GRB7: variants seen among roughly 807,000 people sequenced by gnomAD.
GRB7 encodes growth factor receptor bound protein 7.
In GRB7, 47 loss-of-function variants were observed where a neutral mutation model predicts 64.1. The ratio of observed to expected loss-of-function variants is 0.73; its 90% CI spans 0.58 to 0.94. The LOEUF is 0.94. Among genes scored for constraint, GRB7 ranks in the 40% least tolerant of loss-of-function variants. The probability of loss-of-function intolerance (pLI) is 0.00; values close to 1 mark genes in which losing one functional copy is unlikely to be tolerated. For synonymous variants in GRB7, 277 were observed against 279.9 expected, an observed-to-expected ratio of 0.99 and a Z score of 0.10; for missense variants, 634 against 718.4, an observed-to-expected ratio of 0.88 and a Z score of 1.34.
Position 39,743,401 on chromosome 17 carries a change from G to T in GRB7, c.594G>T (p.Leu198=), listed in dbSNP as rs780160699. 6.2e-7 allele frequency: 1 copy of T among 1,614,186 alleles called. No individual in the cohort carries two copies. Among genetic ancestry groups the T allele is most frequent in the Non-Finnish European group, 8.5e-7 (1 of 1,180,016 alleles). ...YELFKSSPHS[L]FPEKMVSSCL... The stretch of plus-strand genomic sequence containing the variant: ...CACTTGTCTACCCACAGCACTCCCT[G>T]TTCCCAGAAAAAATGGTCTCCAGCT... The change falls in exon 6 of 15, where the codon CTG becomes CTT. Residue 198 remains leucine (L), a synonymous_variant. Coordinates refer to ENST00000309156, the MANE Select transcript of GRB7 (RefSeq NM_005310.5).
Position 39,746,894 on chromosome 17 carries a change from C to A in GRB7, c.1596C>A (p.Leu532=). Residue 532 remains leucine, a synonymous_variant, in exon 15 of 15, where the codon CTC becomes CTA. Coordinates refer to ENST00000309156, the MANE Select transcript of GRB7 (RefSeq NM_005310.5). Reference sequence around the variant, plus strand: ...GCCATTGCTGCACGCGGGTGGCCCTCTGACCAGGCCGTGGACTGGCTCATG... The same window carrying A: ...GCCATTGCTGCACGCGGGTGGCCCTATGACCAGGCCGTGGACTGGCTCATG... ...LLRHCCTRVA[L] is the part of the protein sequence containing the mutation. 6.2e-7 allele frequency: 1 copy of A among 1,606,408 alleles called. No homozygotes were observed. The highest frequency in any genetic ancestry group is 8.5e-7 in the Non-Finnish European group (1 of 1,179,244).
intron 1 of GRB7, chr17:39,738,739 G>T: frequency 1.8e-6 from 1 of 556,128 alleles, no homozygotes; most frequent in Non-Finnish European, 3.1e-6. Context: ...ACCCCAGTTT[G>T]GGTTTCCCCA....
intron 6 of GRB7, 113 bp from the exon 7 acceptor site, chr17:39,743,957 C>T: frequency 1.5e-6 from 2 of 1,374,198 alleles, no homozygotes; most frequent in Non-Finnish European, 2.0e-6. Context: ...CGTGCCACCG[C>T]ACTAGCATGA....
In GRB7 at chr17:39,745,895, T is replaced by C. The variant is rs1259056132; in HGVS notation, c.1271-18T>C. On this transcript the variant is annotated intron_variant, in intron 12 of 14. Coordinates refer to ENST00000309156, the MANE Select transcript of GRB7 (RefSeq NM_005310.5). ...GTCCCCTCCCCAAAGTGACCGCCCA[T>C]GTCCTTCCCCACCACAGCCATCCAC... 3 of 1,613,810 alleles carry C rather than the reference T, an allele frequency of 1.9e-6. No homozygotes were observed. The highest frequency in any genetic ancestry group is 1.3e-5 in the African/African-American group (1 of 75,020).
rs759141099 is a variant in GRB7, at chr17:39,742,642, C to G, written c.232C>G (p.Pro78Ala). 1.2e-6 allele frequency: 2 copies of G among 1,611,126 alleles called. No homozygotes were observed. Among genetic ancestry groups the G allele is most frequent in the East Asian group, 2.2e-5 (1 of 44,834 alleles). ...PNPFPELCSP[P>A]SQSPILGGPS... ...CCCCTTCCCTGAGCTCTGCAGTCCT[C>G]CCTCACAGAGCCCAATTCTCGGGGG... Residue 78 changes from proline (P) to alanine (A), a missense_variant, in exon 3 of 15, where the codon CCC becomes GCC. By Grantham distance (27) the Pro-to-Ala change is conservative. Transcript: ENST00000309156.
At position 39,745,274 on chromosome 17, in the gene GRB7, A is replaced by G. The variant is rs773931245; in HGVS notation, c.1043A>G (p.Gln348Arg). 9.9e-6 allele frequency: 16 copies of G among 1,610,814 alleles called. No individual in the cohort carries two copies. The highest frequency in any genetic ancestry group is 1.4e-5 in the Non-Finnish European group (16 of 1,178,054). The change falls in exon 10 of 15, where the codon CAG (glutamine) becomes CGG (arginine). Residue 348 changes from glutamine to arginine, a missense_variant. By Grantham distance (43) the Gln-to-Arg change is conservative (BLOSUM62 1). Transcript: ENST00000309156. ...GTGCAGCTGTACAAGAATTACCAGC[A>G]GGCACAGTCTCGCCATCTGCATCCA... ...YGVQLYKNYQQAQSRHLHPSC... is the reference protein window; with the variant it reads ...YGVQLYKNYQRAQSRHLHPSC...
In GRB7 at chr17:39,745,476, C is replaced by T. The variant is rs201421622; in HGVS notation, c.1147C>T (p.Arg383Cys). The change falls in exon 11 of 15, where the codon CGT (arginine) becomes TGT (cysteine). Residue 383 changes from arginine (R) to cysteine (C), a missense_variant. Coordinates refer to ENST00000309156, the MANE Select transcript of GRB7 (RefSeq NM_005310.5). ...CATGGACTTCTCTGGCCATGCTGGG[C>T]GTGTCATTGAGAACCCCCGGGAGGC... The part of the protein sequence containing the change: ...VAMDFSGHAG[R>C]VIENPREALS... 8.4e-5 allele frequency: 136 copies of T among 1,614,062 alleles called. No homozygotes were observed. In the East Asian group the frequency reaches 2.4e-3, roughly 29 times the overall value.
intron 1 of GRB7, among the ~76,000 whole-genome samples, chr17:39,740,824 G>A (rs755635224): frequency 2.0e-5 from 3 of 146,904 alleles, no homozygotes; most frequent in Non-Finnish European, 4.5e-5. Flanking sequence ...TGTCCCGCCC[G>A]CCCTGACTCA....
At chr17:39,742,049 C>T (rs1409964139) in intron 1 of GRB7, among the ~76,000 whole-genome samples, 2 of 151,736 alleles carry the variant, frequency 1.3e-5, no homozygotes, top group East Asian at 1.9e-4. Flanking sequence ...GTTCTACTCC[C>T]GACTCACCTG....
At chr17:39,743,976 C>T (rs765115809) in intron 6 of GRB7, 94 bp from the exon 7 acceptor site, 4 of 1,522,650 alleles carry the variant, frequency 2.6e-6, no homozygotes, top group East Asian at 2.3e-5. Flanking sequence ...GAGACCCTGT[C>T]TCAAAAAGAA....
chr17:39,745,312 T>C lies in GRB7; in HGVS notation c.1081T>C (p.Ser361Pro). 6.3e-7 allele frequency: 1 copy of C among 1,585,728 alleles called. No homozygotes were observed. Among genetic ancestry groups the C allele is most frequent in the Non-Finnish European group, 8.6e-7 (1 of 1,157,492 alleles). Residue 361 changes from serine to proline, a missense_variant, in exon 10 of 15, where the codon TCC becomes CCC. Ser to Pro is a moderately conservative substitution (Grantham distance 74). Around this residue, in one of 2 missense-constraint regions of GRB7, gnomAD observed 467 missense variants for 576.6 expected, o/e 0.81. Coordinates refer to ENST00000309156, the MANE Select transcript of GRB7 (RefSeq NM_005310.5). ...CCATCTGCATCCATCTTGTTTGGGCTCCCCACCCTTGGTGAGTGTGCCCAA... is the reference window on the plus strand; with the variant it reads ...CCATCTGCATCCATCTTGTTTGGGCCCCCCACCCTTGGTGAGTGTGCCCAA... Reference protein sequence around the residue: ...SRHLHPSCLGSPPLRSASDNT... With the variant: ...SRHLHPSCLGPPPLRSASDNT...
chr17:39,745,711 C>G lies in GRB7; in HGVS notation c.1210-17C>G. On this transcript the variant is annotated splice_polypyrimidine_tract_variant and intron_variant, in intron 11 of 14. Transcript: ENST00000309156. The stretch of plus-strand genomic sequence containing the variant: ...CAAGCACGCCCCGACTCTCCCGTAT[C>G]TCCCACTGCTCCACAGAAGAAGACA... 1 of 1,612,886 alleles carries G rather than the reference C, an allele frequency of 6.2e-7. No individual in the cohort carries two copies. Among genetic ancestry groups the G allele is most frequent in the Non-Finnish European group, 8.5e-7 (1 of 1,179,850 alleles).
intron 14 of GRB7, 121 bp from the exon 15 acceptor site, chr17:39,746,625 AAAAAG>A (rs1567930895): frequency 1.6e-6 from 2 of 1,284,364 alleles, no homozygotes; most frequent in Non-Finnish European, 2.1e-6. Context: ...TCAAAAAAAA[AAAAAG>A]AAAGAAAAAG....
At position 39,744,224 on chromosome 17, in the gene GRB7, A is replaced by ACCAGCC. The variant is rs779173740; in HGVS notation, c.801+26_801+31dup. On this transcript the variant is annotated intron_variant, in intron 7 of 14. Coordinates refer to ENST00000309156, the MANE Select transcript of GRB7 (RefSeq NM_005310.5). ...ACCTCTAAGGTAAGGTCTTGAGGGT[A>ACCAGCC]CCAGCCCCAGCCCCTCCAGTCCCTG... The ACCAGCC allele has an allele frequency of 6.2e-7, 1 of 1,612,914 alleles. No homozygotes were observed. The highest frequency in any genetic ancestry group is 1.1e-5 in the South Asian group (1 of 90,992).
At position 39,745,249 on chromosome 17, in the gene GRB7, G is replaced by T. The variant is rs201946075; in HGVS notation, c.1018G>T (p.Val340Leu). ...TTTCTCTCCCCACCCCCAGTACGGG[G>T]TGCAGCTGTACAAGAATTACCAGCA... Reference protein sequence around the residue: ...LAAFRLFKYGVQLYKNYQQAQ... With the variant: ...LAAFRLFKYGLQLYKNYQQAQ... Residue 340 changes from valine (V) to leucine (L), a missense_variant, in exon 10 of 15, where the codon GTG becomes TTG. Physicochemically the swap from Val to Leu is conservative, Grantham distance 32. Transcript: ENST00000309156. 6.2e-7 allele frequency: 1 copy of T among 1,607,592 alleles called. No individual in the cohort carries two copies.
chr17:39,744,791 T>G, intron 8 of GRB7, 95 bp from the exon 9 acceptor site: 2 of 1,336,126 alleles, frequency 1.5e-6, no homozygotes. Flanking sequence ...CCTGGCCTGC[T>G]GGAAACTCCT....
chr17:39,741,582 CCA>C lies in GRB7; in HGVS notation c.-50-666_-50-665del, dbSNP rs2059994316. Among the ~76,000 whole-genome samples the C allele has an allele frequency of 3.9e-5, 6 of 152,344 alleles. No individual in the cohort carries two copies. The South Asian group carries it at 1.2e-3, about 32-fold the overall frequency. On this transcript the variant is annotated intron_variant, in intron 1 of 14. Coordinates refer to ENST00000309156, the MANE Select transcript of GRB7 (RefSeq NM_005310.5). Reference sequence around the variant, plus strand: ...GGCACAGCCCAGCGCAGTGAGTGCCCCACACGTGGAGGCAAAGGAGTGGGCCT... The same window carrying C: ...GGCACAGCCCAGCGCAGTGAGTGCCCCACGTGGAGGCAAAGGAGTGGGCCT...
At chr17:39,746,065 G>C (rs1304953856) in intron 13 of GRB7, 44 bp from the exon 14 acceptor site, 1 of 1,611,216 alleles carries the variant, frequency 6.2e-7, no homozygotes, top group African/African-American at 1.3e-5. Flanking sequence ...TGGCAGCCAT[G>C]GTCCTTGGGT....
rs776279813 is a variant in GRB7 at position 39,744,149 on chromosome 17, G to A, written c.743G>A (p.Arg248His). The A allele has an allele frequency of 1.4e-5, 22 of 1,613,958 alleles. No homozygotes were observed. The highest frequency in any genetic ancestry group is 5.3e-5 in the African/African-American group (4 of 74,856). Reference protein sequence around the residue: ...LRGSGRKLWKRFFCFLRRSGL... With the variant: ...LRGSGRKLWKHFFCFLRRSGL... ...GGTTCAGGACGGAAGCTTTGGAAACGCTTTTTCTGCTTCTTGCGCCGATCT... is the reference window on the plus strand; with the variant it reads ...GGTTCAGGACGGAAGCTTTGGAAACACTTTTTCTGCTTCTTGCGCCGATCT... Residue 248 changes from arginine (R) to histidine (H), a missense_variant, in exon 7 of 15, where the codon CGC becomes CAC. Around this residue, in one of 2 missense-constraint regions of GRB7, gnomAD observed 467 missense variants for 576.6 expected, o/e 0.81. Coordinates refer to ENST00000309156, the MANE Select transcript of GRB7 (RefSeq NM_005310.5).
Sources: gnomAD v4.1 joint callset for allele counts (sites outside exome capture counted in the v4.1 genomes callset) on GRCh38, gnomAD v4.1.1 for gene constraint, gnomAD v4.1.1 regional missense constraint, MANE v1.5 for transcripts, NCBI Gene and HGNC (gene_info 2026-07-23, HGNC 2026-07-21) for gene names.